The following HERC2 variants were observed in gnomAD, a reference collection of about 807,000 sequenced individuals.
HERC2 encodes the protein E3 ubiquitin-protein ligase HERC2.
In HERC2, 102 loss-of-function variants were observed where a neutral mutation model predicts 537.7. That is an observed-to-expected ratio of 0.19 (90% CI 0.16 to 0.22). The LOEUF (loss-of-function observed/expected upper bound fraction) is 0.22, where lower values mean the gene tolerates loss of function less well. HERC2 is among the 10% of genes least tolerant of loss of function. The pLI is 1.00. For synonymous variants in HERC2, 2,224 were observed against 2,466.2 expected, an observed-to-expected ratio of 0.90 and a Z score of 2.91; for missense variants, 4,236 against 6,198.2, an observed-to-expected ratio of 0.68 and a Z score of 10.63.
chr15:28,272,986 T>G lies in HERC2; in HGVS notation c.819A>C (p.Pro273=), dbSNP rs1424748614. 6.2e-7 allele frequency: 1 copy of G among 1,612,468 alleles called. No individual in the cohort carries two copies. Among genetic ancestry groups the G allele is most frequent in the Non-Finnish European group, 8.5e-7 (1 of 1,179,996 alleles). Residue 273 remains proline, a synonymous_variant, in exon 8 of 93, where the codon CCA becomes CCC. Coordinates refer to ENST00000261609, the MANE Select transcript of HERC2 (RefSeq NM_004667.6). ...SVVTGDVHGT[P]ATKGPGSIPL... is the part of the protein sequence containing the mutation. ...GGATGCTTCCTGGCCCTTTGGTGGC[T>G]GGCGTTCCGTGAACATCCCTGAAAT...
At position 28,175,253 on chromosome 15, in the gene HERC2, G is replaced by A. The variant is rs548301574; in HGVS notation, c.9831+259C>T. On this transcript the variant is annotated intron_variant, in intron 64 of 92. Transcript: ENST00000261609. The stretch of plus-strand genomic sequence containing the variant: ...ACTAGGAGCATCTTCAAGAATAACA[G>A]TCTTTCCACACACTTTTCACGTGGA... Among the ~76,000 whole-genome samples the A allele has an allele frequency of 3.1e-4, 47 of 152,130 alleles. No homozygotes were observed. In the East Asian group the frequency reaches 4.5e-3, roughly 14 times the overall value.
intron 2 of HERC2, among the ~76,000 whole-genome samples, chr15:28,313,449 G>T (rs1635161): frequency 0.93 from 126,296 of 135,304 alleles, 58,789 homozygotes; most frequent in East Asian, 0.98. Flanking sequence ...ATTACAGGCG[G>T]GAGCCACCGC....
chr15:28,259,613 A>T (rs532283615), intron 16 of HERC2, among the ~76,000 whole-genome samples: 20 of 152,254 alleles, frequency 1.3e-4, no homozygotes, highest in Non-Finnish European at 2.4e-4. Flanking sequence ...ATGAGCATCA[A>T]CAGAAAAATC....
Position 28,130,609 on chromosome 15 carries a change from G to C in HERC2, c.12571-15C>G, listed in dbSNP as rs1038359000. The C allele has an allele frequency of 6.4e-7, 1 of 1,570,110 alleles. No homozygotes were observed. Among genetic ancestry groups the C allele is most frequent in the Admixed American group, 1.7e-5 (1 of 59,952 alleles). On this transcript the variant is annotated splice_polypyrimidine_tract_variant and intron_variant, in intron 81 of 92. Coordinates refer to ENST00000261609, the MANE Select transcript of HERC2 (RefSeq NM_004667.6). ...AGAGAATCAATCTAGAGGGGGAAAA[G>C]GTTCAATTAGACAGACAGCAACAAG...
In HERC2 at chr15:28,245,885, T is replaced by A. The variant is rs143530683; in HGVS notation, c.3573A>T (p.Ile1191=). The change falls in exon 23 of 93, where the codon ATA becomes ATT. Residue 1191 remains isoleucine (I), a synonymous_variant. Coordinates refer to ENST00000261609, the MANE Select transcript of HERC2 (RefSeq NM_004667.6). ...DDHEELAWPG[I]MESFFTGQNC... Reference sequence around the variant, plus strand: ...AACTCCTTTAAGACGCCGTACCCATTATGCCAGGCCAGGCTAACTCTTCAT... The same window carrying A: ...AACTCCTTTAAGACGCCGTACCCATAATGCCAGGCCAGGCTAACTCTTCAT... The A allele has an allele frequency of 4.1e-5, 66 of 1,613,750 alleles. No homozygotes were observed. The highest frequency in any genetic ancestry group is 5.5e-5 in the Non-Finnish European group (65 of 1,179,916).
Position 28,269,271 on chromosome 15 carries a change from G to A in HERC2, c.1423C>T (p.Gln475Ter). 6.2e-7 allele frequency: 1 copy of A among 1,613,846 alleles called. No individual in the cohort carries two copies. Among genetic ancestry groups the A allele is most frequent in the Non-Finnish European group, 8.5e-7 (1 of 1,179,858 alleles). ...ACCAGCGTGTCACTATTATAGGCCT[G>A]TGTGTACACGCGGCCATTGCGTGAC... ...ILSRNGRVYTQAYNSDTLAPQ... is the reference protein window; with the variant it reads ...ILSRNGRVYT Residue 475 changes from glutamine to a stop codon, truncating the protein, a stop_gained, in exon 11 of 93, where the codon CAG becomes TAG. Coordinates refer to ENST00000261609, the MANE Select transcript of HERC2 (RefSeq NM_004667.6). LOFTEE classifies it high-confidence loss of function.
intron 88 of HERC2, 38 bp downstream of exon 88, chr15:28,116,627 G>A: frequency 6.4e-7 from 1 of 1,561,948 alleles, no homozygotes; most frequent in Non-Finnish European, 8.7e-7. Flanking sequence ...GCAGGCACAG[G>A]CCACAGCGAC....
Position 28,191,263 on chromosome 15 carries a change from A to AC in HERC2, c.8452-20dup. On this transcript the variant is annotated intron_variant, in intron 53 of 92. Transcript: ENST00000261609. ...TCCAGTGCTTTAGAAAAACAAAAAA[A>AC]CCACATTCTCAGTTAGCAAAATTCA... is the stretch of plus-strand genomic sequence containing the variant. 6.5e-7 allele frequency: 1 copy of AC among 1,547,460 alleles called. No individual in the cohort carries two copies. The highest frequency in any genetic ancestry group is 8.9e-7 in the Non-Finnish European group (1 of 1,126,236).
Position 28,173,754 on chromosome 15 carries a change from A to G in HERC2, c.10057+641T>C, listed in dbSNP as rs1359046449. ...GGAGGTGGAAGCTGCAGTGAGCCAA[A>G]ATCGTGCCACTGCACTCCAGAGTGA... On this transcript the variant is annotated intron_variant, in intron 65 of 92. Transcript: ENST00000261609. Among the ~76,000 whole-genome samples, 126 of 150,648 alleles carry G rather than the reference A, an allele frequency of 8.4e-4. 1 individual carries two copies. Among genetic ancestry groups the G allele is most frequent in the Middle Eastern group, 3.4e-3 (1 of 294 alleles).
chr15:28,286,418 T>C (rs1301790611), intron 4 of HERC2, among the ~76,000 whole-genome samples: 2 of 152,126 alleles, frequency 1.3e-5, no homozygotes, highest in Admixed American at 6.5e-5. Context: ...TCCACATCAT[T>C]GCCAAGTAGT....
chr15:28,153,105 G>C (rs1892623365), intron 69 of HERC2, among the ~76,000 whole-genome samples: 1 of 152,252 alleles, frequency 6.6e-6, no homozygotes, highest in South Asian at 2.1e-4. Flanking sequence ...TGGAATCCCA[G>C]CACTTTGGAA....
intron 81 of HERC2, among the ~76,000 whole-genome samples, chr15:28,131,841 CG>C (rs1296722269): frequency 6.6e-6 from 1 of 152,182 alleles, no homozygotes; most frequent in African/African-American, 2.4e-5. Flanking sequence ...CCACGGTGCC[CG>C]GATGATCCCA....
intron 83 of HERC2, among the ~76,000 whole-genome samples, chr15:28,127,832 G>T (rs1256735971): frequency 6.6e-6 from 1 of 152,134 alleles, no homozygotes; most frequent in Non-Finnish European, 1.5e-5. Context: ...ATACCCCAAT[G>T]AATACATTAG....
chr15:28,278,706 G>T (rs1370621546), intron 5 of HERC2, among the ~76,000 whole-genome samples: 2 of 152,144 alleles, frequency 1.3e-5, no homozygotes, highest in African/African-American at 4.8e-5. Flanking sequence ...GGAGCAAGAC[G>T]ATCAGGGTTT....
intron 38 of HERC2, 51 bp downstream of exon 38, chr15:28,218,438 C>G (rs780921737): frequency 6.7e-7 from 1 of 1,485,934 alleles, no homozygotes; most frequent in Non-Finnish European, 9.2e-7. Flanking sequence ...CAGACACAAG[C>G]GTGCGGCCCC....
chr15:28,165,324 G>T (rs1894018821), intron 68 of HERC2, among the ~76,000 whole-genome samples: 1 of 152,214 alleles, frequency 6.6e-6, no homozygotes, highest in Non-Finnish European at 1.5e-5. Flanking sequence ...TATCTAAGGG[G>T]ACTGAACTGT....
intron 83 of HERC2, among the ~76,000 whole-genome samples, chr15:28,127,713 ATCT>A (rs1394463755): frequency 1.3e-5 from 2 of 152,126 alleles, no homozygotes; most frequent in Non-Finnish European, 2.9e-5. Flanking sequence ...GAGGCTAATC[ATCT>A]TCTTCTGCCA....
rs1173440439 is a variant in HERC2, at chr15:28,130,197, A to G, written c.12768T>C (p.Thr4256=). 2.2e-5 allele frequency: 36 copies of G among 1,614,060 alleles called. No individual in the cohort carries two copies. Among genetic ancestry groups the G allele is most frequent in the Non-Finnish European group, 2.8e-5 (33 of 1,180,032 alleles). The change falls in exon 83 of 93, where the codon ACT becomes ACC. Residue 4256 remains threonine (T), a synonymous_variant. Coordinates refer to ENST00000261609, the MANE Select transcript of HERC2 (RefSeq NM_004667.6). ...TGCAGCACACACAGTGCAGGGAGCC[A>G]GTGGCGATGGCGATGACTTTCTTCC... ...LQGKKVIAIA[T]GSLHCVCCTE...
At position 28,198,395 on chromosome 15, in the gene HERC2, C is replaced by T. The variant is rs769947695; in HGVS notation, c.7994G>A (p.Ser2665Asn). 15 of 1,612,576 alleles carry T rather than the reference C, an allele frequency of 9.3e-6. No homozygotes were observed. In the South Asian group the frequency reaches 1.4e-4, roughly 15 times the overall value. Residue 2665 changes from serine to asparagine, a missense_variant, in exon 50 of 93, where the codon AGT becomes AAT. Around this residue, in one of 27 missense-constraint regions of HERC2, gnomAD observed 606 missense variants for 884.5 expected, o/e 0.69. Coordinates refer to ENST00000261609, the MANE Select transcript of HERC2 (RefSeq NM_004667.6). ...KYKWGSVTHQ[S>N]VGVVKAFSAN... ...AATATTACCTTTCACAACCCCCACA[C>T]TCTGATGAGTCACAGATCCCCATTT...
Sources: gnomAD v4.1 joint callset for allele counts (sites outside exome capture counted in the v4.1 genomes callset) on GRCh38, gnomAD v4.1.1 for gene constraint, gnomAD v4.1.1 regional missense constraint, MANE v1.5 for transcripts, NCBI Gene and HGNC (gene_info 2026-07-23, HGNC 2026-07-21) for gene names.